CRB1: variants seen among roughly 807,000 people sequenced by gnomAD.
The protein encoded by CRB1 is protein crumbs homolog 1.
Under a neutral mutation model 120.0 loss-of-function variants are expected in CRB1, and 83 were observed. The observed-to-expected ratio is 0.69, with a 90% confidence interval of 0.58 to 0.83. The LOEUF is 0.83. Among genes scored for constraint, CRB1 ranks in the 40% least tolerant of loss-of-function variants. The pLI, the probability that CRB1 is intolerant of heterozygous loss-of-function variation, is 0.00. For synonymous variants in CRB1, 625 were observed against 612.5 expected (o/e 1.02, Z -0.30); for missense variants, 1,699 against 1,687.6 (o/e 1.01, Z -0.12).
intron 5 of CRB1, among the ~76,000 whole-genome samples, chr1:197,417,165 G>A (rs1461475208): frequency 6.6e-6 from 1 of 152,164 alleles, no homozygotes; most frequent in African/African-American, 2.4e-5. Context: ...CTAAACCAGA[G>A]TGACCATAGC....
At chr1:197,412,655 C>A (rs919236825) in intron 5 of CRB1, among the ~76,000 whole-genome samples, 1 of 152,168 alleles carries the variant, frequency 6.6e-6, no homozygotes, top group Non-Finnish European at 1.5e-5. Context: ...TCCTTTGGTC[C>A]TCAAGGCTGT....
At chr1:197,218,003 T>TG in the CRB1 span, among the ~76,000 whole-genome samples, 3 of 152,282 alleles carry the variant, frequency 2.0e-5, no homozygotes, top group South Asian at 6.2e-4. Flanking sequence ...CTCTGTGTAG[T>TG]GGGGTGATGT....
chr1:197,241,708 T>G, the CRB1 span, among the ~76,000 whole-genome samples: 1 of 150,652 alleles, frequency 6.6e-6, no homozygotes, highest in Non-Finnish European at 1.5e-5. Flanking sequence ...GTAGTTTTTT[T>G]TTTTTTTCTA....
intron 11 of CRB1, among the ~76,000 whole-genome samples, chr1:197,453,185 C>T (rs1305616011): frequency 2.7e-5 from 4 of 150,206 alleles, no homozygotes; most frequent in South Asian, 2.1e-4. Flanking sequence ...CTCCTAGAAG[C>T]AGAGGGTAGA....
chr1:197,259,578 G>A, the CRB1 span, among the ~76,000 whole-genome samples: 1 of 152,090 alleles, frequency 6.6e-6, no homozygotes, highest in Non-Finnish European at 1.5e-5. Context: ...GCTAATACAT[G>A]TGGGGCTTGA....
At chr1:197,219,361 G>C in the CRB1 span, among the ~76,000 whole-genome samples, 1 of 152,082 alleles carries the variant, frequency 6.6e-6, no homozygotes, top group Admixed American at 6.5e-5. Context: ...TTACTGTTTT[G>C]TTTCTTTCAC....
At chr1:197,359,322 T>G (rs1224874662) in intron 5 of CRB1, among the ~76,000 whole-genome samples, 1 of 152,072 alleles carries the variant, frequency 6.6e-6, no homozygotes, top group Non-Finnish European at 1.5e-5. Flanking sequence ...AATGGAATCA[T>G]GCAATATGTA....
chr1:197,364,689 G>T (rs1571401670), intron 5 of CRB1, among the ~76,000 whole-genome samples: 1 of 151,684 alleles, frequency 6.6e-6, no homozygotes, highest in Non-Finnish European at 1.5e-5. Flanking sequence ...CCCATTCAGG[G>T]AGTTACTTCA....
At position 197,435,100 on chromosome 1, in the gene CRB1, T is replaced by C. The variant is rs1254974619; in HGVS notation, c.3237T>C (p.Asp1079=). The C allele has an allele frequency of 6.2e-7, 1 of 1,613,890 alleles. No individual in the cohort carries two copies. Among genetic ancestry groups the C allele is most frequent in the South Asian group, 1.1e-5 (1 of 91,074 alleles). Residue 1079 remains aspartate, a synonymous_variant, in exon 9 of 12, where the codon GAT becomes GAC. Coordinates refer to ENST00000367400, the MANE Select transcript of CRB1 (RefSeq NM_201253.3). ...TCAACTTTTTGAAGGATAATACAGA[T>C]ATTTATGTGGGAGACAGAGCTATTG... ...GSLNFLKDNT[D]IYVGDRAIDN...
intron 7 of CRB1, chr1:197,429,105 A>G (rs1664744337): frequency 6.6e-7 from 1 of 1,521,208 alleles, no homozygotes. Context: ...CTATAAAACC[A>G]GGAGTAAGAA....
At chr1:197,259,984 A>G in the CRB1 span, among the ~76,000 whole-genome samples, 32 of 127,730 alleles carry the variant, frequency 2.5e-4, no homozygotes, top group Non-Finnish European at 4.9e-4. Flanking sequence ...CCCCATGTCT[A>G]AAAAAAAAAA....
At chr1:197,306,551 C>T (rs1657186295) in intron 1 of CRB1, among the ~76,000 whole-genome samples, 1 of 152,092 alleles carries the variant, frequency 6.6e-6, no homozygotes. Flanking sequence ...CTGTCATATC[C>T]ATTGGGTGGC....
chr1:197,391,954 C>A (rs1408441299), intron 5 of CRB1, among the ~76,000 whole-genome samples: 1 of 151,904 alleles, frequency 6.6e-6, no homozygotes, highest in Non-Finnish European at 1.5e-5. Flanking sequence ...GTAGCTGAAA[C>A]TTGGGGGGCC....
At chr1:197,240,593 ACTT>A in the CRB1 span, among the ~76,000 whole-genome samples, 1 of 151,784 alleles carries the variant, frequency 6.6e-6, no homozygotes, top group Admixed American at 6.6e-5. Flanking sequence ...TATATGTGCC[ACTT>A]CTTTATCCAG....
At chr1:197,428,933 C>T in intron 7 of CRB1, 1 of 1,512,868 alleles carries the variant, frequency 6.6e-7, no homozygotes, top group Non-Finnish European at 8.8e-7. Context: ...TGTGAGCAAC[C>T]TTGTGAGAAC....
At chr1:197,250,237 CAG>C in the CRB1 span, among the ~76,000 whole-genome samples, 2 of 151,922 alleles carry the variant, frequency 1.3e-5, no homozygotes, top group African/African-American at 2.4e-5. Context: ...TAGTGTGAGG[CAG>C]GGGAAAATCT....
intron 5 of CRB1, among the ~76,000 whole-genome samples, chr1:197,371,893 G>A (rs887912371): frequency 3.9e-5 from 6 of 152,048 alleles, no homozygotes; most frequent in African/African-American, 1.4e-4. Flanking sequence ...CCCAAGAAAT[G>A]GGCAGGTAAA....
At chr1:197,455,144 C>T (rs1666211841) in intron 11 of CRB1, among the ~76,000 whole-genome samples, 1 of 152,104 alleles carries the variant, frequency 6.6e-6, no homozygotes, top group East Asian at 1.9e-4. Context: ...TGATACTGTT[C>T]TGGGCAAACT....
the CRB1 span, chr1:197,223,112 T>C: frequency 9.5e-4 from 784 of 822,836 alleles, 8 homozygotes; most frequent in African/African-American, 9.9e-3. Context: ...TTTTGAATAT[T>C]CAGTGATTTT....
Sources: allele counts gnomAD v4.1 joint callset (sites outside exome capture counted in the v4.1 genomes callset), GRCh38; gene constraint gnomAD v4.1.1; transcripts MANE v1.5; gene names NCBI Gene and HGNC (gene_info 2026-07-23, HGNC 2026-07-21).